RAB8B: variants seen among roughly 807,000 people sequenced by gnomAD.
RAB8B encodes the protein RAB8B, member RAS oncogene family, also known as ras-related protein Rab-8B.
Under a neutral mutation model 32.0 loss-of-function variants are expected in RAB8B, and 11 were observed. The observed-to-expected ratio is 0.34, with a 90% CI of 0.22 to 0.57. The LOEUF is 0.57. RAB8B is among the 20% of genes least tolerant of loss of function. RAB8B has a pLI of 0.86. For missense variants in RAB8B, 190 were observed against 258.5 expected (o/e 0.73, Z 1.82); for synonymous variants, 103 against 89.6 (o/e 1.15, Z -0.85).
chr15:63,194,066 G>A (rs1242599793), intron 1 of RAB8B, among the ~76,000 whole-genome samples: 2 of 152,104 alleles, frequency 1.3e-5, no homozygotes, highest in African/African-American at 2.4e-5. Flanking sequence ...TCCCTTTGCC[G>A]TCTCTCTGCT....
intron 1 of RAB8B, among the ~76,000 whole-genome samples, chr15:63,230,020 T>A (rs1221144176): frequency 1.3e-5 from 2 of 151,952 alleles, no homozygotes; most frequent in African/African-American, 4.8e-5. Context: ...TTTTTCATTA[T>A]TGATTGGGAA....
intron 1 of RAB8B, among the ~76,000 whole-genome samples, chr15:63,194,209 AT>A (rs1254523145): frequency 6.6e-6 from 1 of 152,190 alleles, no homozygotes; most frequent in Admixed American, 6.5e-5. Context: ...TAAAAAAAAA[AT>A]GAAGGTTTAA....
At chr15:63,255,274 A>G (rs983392320) in intron 3 of RAB8B, among the ~76,000 whole-genome samples, 1 of 152,210 alleles carries the variant, frequency 6.6e-6, no homozygotes, top group Non-Finnish European at 1.5e-5. Flanking sequence ...TCACTAATTC[A>G]TTAAAGGTTA....
rs2038239735 is a variant in RAB8B, at chr15:63,265,560, G to A, written c.*1941G>A. The A allele has an allele frequency of 1.3e-5, 2 of 152,444 alleles. No individual in the cohort carries two copies. Among genetic ancestry groups the A allele is most frequent in the Admixed American group, 1.3e-4 (2 of 15,260 alleles). The allele number at this position is 152,444 out of a possible 1,614,324, so 9.4% of individuals were successfully genotyped here. ...TTCACTATTTCCTGAAAAAATCCAA[G>A]CAGTTAACGCTTTCTGGATGGTAAC... On this transcript the variant is annotated 3_prime_UTR_variant, in exon 8 of 8. Coordinates refer to ENST00000321437, the MANE Select transcript of RAB8B (RefSeq NM_016530.3). The surrounding 1 kb of genome is among the most constrained non-coding windows in gnomAD (Gnocchi z 4.9).
rs2038221051 is a variant in RAB8B at position 63,263,778 on chromosome 15, C to A, written c.*159C>A. 2.5e-5 allele frequency: 13 copies of A among 528,650 alleles called. 1 individual carries two copies. In the South Asian group the frequency reaches 4.2e-4, roughly 17 times the overall value. 32.7% of individuals were successfully genotyped at this position (528,650 alleles called of 1,614,324 possible). A position where few individuals can be genotyped will look rare whatever the true frequency, so the allele number is the denominator to read the frequency against. On this transcript the variant is annotated 3_prime_UTR_variant, in exon 8 of 8. Coordinates refer to ENST00000321437, the MANE Select transcript of RAB8B (RefSeq NM_016530.3). ...CAGTATGCCAAGTGGATTCCAGCCT[C>A]ATGGCCTAGCAAAAGAACAGACTCC...
intron 1 of RAB8B, among the ~76,000 whole-genome samples, chr15:63,212,944 G>A (rs1301639929): frequency 6.6e-6 from 1 of 152,182 alleles, no homozygotes; most frequent in Non-Finnish European, 1.5e-5. Flanking sequence ...AAAAGCACAT[G>A]CCACTGTCAG....
At chr15:63,218,177 T>TTG (rs1313963280) in intron 1 of RAB8B, among the ~76,000 whole-genome samples, 1 of 152,140 alleles carries the variant, frequency 6.6e-6, no homozygotes, top group Non-Finnish European at 1.5e-5. Context: ...AATATAACAG[T>TTG]TGAGTTCATT....
rs2038085819 is a variant in RAB8B at position 63,248,126 on chromosome 15, T to C, written c.186-1519T>C. On this transcript the variant is annotated intron_variant, in intron 2 of 7. Transcript: ENST00000321437. This position sits in a 1 kb window ranked among gnomAD's most constrained non-coding sequence, Gnocchi z 4.4. ...GCAAACAAGTGCCCCATGCATCTAA[T>C]GCCGATCAAAGAAAATGACAGGATA... is the stretch of plus-strand genomic sequence containing the variant. Among the ~76,000 whole-genome samples, 1 of 152,224 alleles carries C rather than the reference T, an allele frequency of 6.6e-6. No individual in the cohort carries two copies. The highest frequency in any genetic ancestry group is 2.1e-4 in the South Asian group (1 of 4,832).
chr15:63,197,370 C>CTTTTTTTTTTTTTTTTTTT (rs58765418), intron 1 of RAB8B, among the ~76,000 whole-genome samples: 7 of 61,446 alleles, frequency 1.1e-4, no homozygotes, highest in Non-Finnish European at 1.7e-4. Context: ...TCTTTCTTTT[C>CTTTTTTTTTTTTTTTTTTT]TTTTTTTTTT....
chr15:63,226,376 C>T (rs937935721), intron 1 of RAB8B, among the ~76,000 whole-genome samples: 5 of 152,182 alleles, frequency 3.3e-5, no homozygotes, highest in Non-Finnish European at 4.4e-5. Flanking sequence ...GGTTGTAAAT[C>T]AGATAAGGGG....
chr15:63,219,156 G>A (rs1035629417), intron 1 of RAB8B, among the ~76,000 whole-genome samples: 3 of 151,648 alleles, frequency 2.0e-5, no homozygotes, highest in East Asian at 1.9e-4. Context: ...AAATTTAGCC[G>A]GGGTGGTGGC....
In RAB8B at chr15:63,259,604, A is replaced by C. The variant is rs771638469; in HGVS notation, c.415-23A>C. On this transcript the variant is annotated intron_variant, in intron 5 of 7. Transcript: ENST00000321437. The surrounding 1 kb of genome is among the most constrained non-coding windows in gnomAD (Gnocchi z 4.4). ...TGTTCAAGTATCTTTTGCTAAATTTAAATATTTCTGTTTACTTTTCAGCTA... is the reference window on the plus strand; with the variant it reads ...TGTTCAAGTATCTTTTGCTAAATTTCAATATTTCTGTTTACTTTTCAGCTA... 39 of 1,600,840 alleles carry C rather than the reference A, an allele frequency of 2.4e-5. No homozygotes were observed. Among genetic ancestry groups the C allele is most frequent in the Non-Finnish European group, 3.3e-5 (38 of 1,168,052 alleles).
intron 1 of RAB8B, among the ~76,000 whole-genome samples, chr15:63,240,969 G>A (rs897731813): frequency 6.6e-6 from 1 of 152,168 alleles, no homozygotes; most frequent in Admixed American, 6.5e-5. Flanking sequence ...AATAAGAACA[G>A]GCGTTACTAC....
At chr15:63,247,641 C>T (rs1247545052) in intron 2 of RAB8B, among the ~76,000 whole-genome samples, 3 of 152,152 alleles carry the variant, frequency 2.0e-5, no homozygotes, top group South Asian at 2.1e-4. Flanking sequence ...GTAGACAAAA[C>T]GTAGAATTCA....
chr15:63,246,850 C>T (rs559206498), intron 2 of RAB8B, among the ~76,000 whole-genome samples: 1 of 152,312 alleles, frequency 6.6e-6, no homozygotes, highest in Admixed American at 6.5e-5. Flanking sequence ...ACAGGAGCCC[C>T]AGCCACCAGT....
At chr15:63,217,222 C>T (rs1420374726) in intron 1 of RAB8B, among the ~76,000 whole-genome samples, 2 of 152,052 alleles carry the variant, frequency 1.3e-5, no homozygotes, top group African/African-American at 2.4e-5. Context: ...ATACGAGGGC[C>T]TAATGGTTTG....
chr15:63,253,085 T>C (rs1463948578), intron 3 of RAB8B, among the ~76,000 whole-genome samples: 3 of 152,198 alleles, frequency 2.0e-5, no homozygotes, highest in Non-Finnish European at 4.4e-5. Flanking sequence ...ATGGAAACAA[T>C]TGTAAATTGC....
At chr15:63,222,348 C>G (rs1426910475) in intron 1 of RAB8B, among the ~76,000 whole-genome samples, 2 of 152,126 alleles carry the variant, frequency 1.3e-5, no homozygotes, top group Non-Finnish European at 2.9e-5. Flanking sequence ...GGTAGTGGCT[C>G]CCTGCTGTTG....
chr15:63,221,188 G>A lies in RAB8B; in HGVS notation c.125-23568G>A, dbSNP rs142319371. 3.1e-3 allele frequency among the ~76,000 whole-genome samples: 466 copies of A among 152,232 alleles called. 3 individuals carry two copies. Among genetic ancestry groups the A allele is most frequent in the Non-Finnish European group, 3.2e-3 (219 of 68,002 alleles). Reference sequence around the variant, plus strand: ...GGGAATACCACAGAGCATGAAAGAGGCATTTCTGAGGTTTTATGCTGAGGA... The same window carrying A: ...GGGAATACCACAGAGCATGAAAGAGACATTTCTGAGGTTTTATGCTGAGGA... On this transcript the variant is annotated intron_variant, in intron 1 of 7. Transcript: ENST00000321437.
Sources: allele counts gnomAD v4.1 joint callset (sites outside exome capture counted in the v4.1 genomes callset), GRCh38; gene constraint gnomAD v4.1.1; non-coding constraint Gnocchi (gnomAD v3.1); transcripts MANE v1.5; gene names NCBI Gene and HGNC (gene_info 2026-07-23, HGNC 2026-07-21).